The following HIVEP3 variants were observed in gnomAD, a reference collection of about 807,000 sequenced individuals.
HIVEP3 encodes the protein HIVEP zinc finger 3.
In HIVEP3, 49 loss-of-function variants were observed where a neutral mutation model predicts 152.8. The observed-to-expected ratio is 0.32, with a 90% CI of 0.26 to 0.41. The LOEUF is 0.41. HIVEP3 is among the 10% of genes least tolerant of loss of function. The probability of loss-of-function intolerance (pLI) is 1.00; values close to 1 mark genes in which losing one functional copy is unlikely to be tolerated. For missense variants in HIVEP3, 2,790 were observed against 3,103.3 expected (o/e 0.90, Z 2.40); for synonymous variants, 1,269 against 1,289.0 (o/e 0.98, Z 0.33).
chr1:41,881,056 A>G (rs1192328298), intron 1 of HIVEP3, among the ~76,000 whole-genome samples: 1 of 152,226 alleles, frequency 6.6e-6, no homozygotes, highest in African/African-American at 2.4e-5. Context: ...TCCTCCCACT[A>G]AAGGCCTCTT....
chr1:41,816,087 G>C (rs1325272786), intron 1 of HIVEP3, among the ~76,000 whole-genome samples: 2 of 152,158 alleles, frequency 1.3e-5, no homozygotes, highest in Non-Finnish European at 2.9e-5. Flanking sequence ...GTAGAAAGTG[G>C]CAGTACCAGC....
At chr1:41,527,243 T>TCA (rs201377725) in intron 5 of HIVEP3, among the ~76,000 whole-genome samples, 18 of 28,552 alleles carry the variant, frequency 6.3e-4, no homozygotes, top group Admixed American at 5.7e-3. Context: ...CACACTCACC[T>TCA]CACACACACA....
chr1:41,555,049 A>G (rs1643944162), intron 5 of HIVEP3, among the ~76,000 whole-genome samples: 1 of 152,242 alleles, frequency 6.6e-6, no homozygotes, highest in Non-Finnish European at 1.5e-5. Flanking sequence ...GGGACGCTTA[A>G]GTCTGCAGAA....
chr1:41,762,790 G>A (rs1348386608), intron 1 of HIVEP3, among the ~76,000 whole-genome samples: 1 of 152,246 alleles, frequency 6.6e-6, no homozygotes, highest in African/African-American at 2.4e-5. Context: ...TGAGTGAGCA[G>A]GGGCATCACC....
chr1:41,567,130 C>T (rs945933364), intron 5 of HIVEP3, among the ~76,000 whole-genome samples: 1 of 152,152 alleles, frequency 6.6e-6, no homozygotes, highest in Non-Finnish European at 1.5e-5. Context: ...TTTCACTTCC[C>T]TCCTCCATCC....
intron 1 of HIVEP3, among the ~76,000 whole-genome samples, chr1:41,725,626 C>T (rs534174531): frequency 2.4e-4 from 37 of 152,352 alleles, no homozygotes; most frequent in African/African-American, 7.7e-4. Flanking sequence ...CAGTGTCCAG[C>T]ATCCGTATGG....
chr1:41,657,523 T>C (rs2124035610), intron 2 of HIVEP3, among the ~76,000 whole-genome samples: 1 of 152,346 alleles, frequency 6.6e-6, no homozygotes, highest in African/African-American at 2.4e-5. Context: ...TCTATTTTGT[T>C]GCCCCCTTTG....
intron 3 of HIVEP3, among the ~76,000 whole-genome samples, chr1:41,593,807 G>C (rs370630129): frequency 1.9e-4 from 29 of 152,310 alleles, no homozygotes; most frequent in East Asian, 1.7e-3. Context: ...GTGGTCAGAC[G>C]TCTGAAATAG....
At chr1:41,904,532 C>T (rs1644679379) in intron 1 of HIVEP3, among the ~76,000 whole-genome samples, 1 of 152,178 alleles carries the variant, frequency 6.6e-6, no homozygotes, top group Non-Finnish European at 1.5e-5. Flanking sequence ...AAGGTGCTTA[C>T]CGCCATGCTT....
chr1:41,950,464 C>T (rs139889727), intron 1 of HIVEP3, among the ~76,000 whole-genome samples: 3,142 of 152,282 alleles, frequency 0.021, 65 homozygotes, highest in Non-Finnish European at 0.025. Context: ...TGGTGATTAA[C>T]TTAAGAGGTG....
At chr1:41,560,782 G>C (rs542760131) in intron 5 of HIVEP3, among the ~76,000 whole-genome samples, 40 of 152,310 alleles carry the variant, frequency 2.6e-4, no homozygotes, top group Admixed American at 7.8e-4. Context: ...TGAGGCCAGA[G>C]CACCCTCTGG....
chr1:41,936,842 G>C (rs1645022455), intron 1 of HIVEP3, among the ~76,000 whole-genome samples: 1 of 152,140 alleles, frequency 6.6e-6, no homozygotes, highest in South Asian at 2.1e-4. Flanking sequence ...TGGAGGTAAA[G>C]GGATTTCTAT....
intron 5 of HIVEP3, among the ~76,000 whole-genome samples, chr1:41,556,619 TAA>T (rs1643970183): frequency 6.6e-6 from 1 of 152,248 alleles, no homozygotes; most frequent in African/African-American, 2.4e-5. Context: ...CTTTAATGAA[TAA>T]AAGTTTTAAA....
chr1:41,974,189 T>C (rs1645246607), intron 1 of HIVEP3, among the ~76,000 whole-genome samples: 1 of 152,020 alleles, frequency 6.6e-6, no homozygotes, highest in Non-Finnish European at 1.5e-5. Context: ...ATGTCTATTT[T>C]TGTGTAAGAT....
intron 1 of HIVEP3, among the ~76,000 whole-genome samples, chr1:41,857,504 GAA>G (rs111289363): frequency 1.4e-5 from 2 of 147,464 alleles, no homozygotes. Flanking sequence ...ACCAAGTATA[GAA>G]AAAAAAAAAT....
chr1:41,696,031 A>T (rs1165583798), intron 2 of HIVEP3, among the ~76,000 whole-genome samples: 1 of 152,184 alleles, frequency 6.6e-6, no homozygotes, highest in African/African-American at 2.4e-5. Context: ...TTCCTCATCT[A>T]TCAGACAGGA....
chr1:41,544,993 T>TCACCACCAC (rs1558047243), intron 5 of HIVEP3, among the ~76,000 whole-genome samples: 3 of 23,392 alleles, frequency 1.3e-4, no homozygotes, highest in Admixed American at 4.8e-4. Context: ...GCCACCACCA[T>TCACCACCAC]CGCTACCATC....
intron 1 of HIVEP3, among the ~76,000 whole-genome samples, chr1:41,861,752 T>G (rs888166430): frequency 1.3e-5 from 2 of 152,174 alleles, no homozygotes; most frequent in African/African-American, 4.8e-5. Flanking sequence ...GCTTGGGCTT[T>G]CTCCAATAAG....
chr1:42,027,718 T>A (rs1323529460), intron 1 of HIVEP3, among the ~76,000 whole-genome samples: 5 of 152,190 alleles, frequency 3.3e-5, no homozygotes, highest in Admixed American at 2.6e-4. Flanking sequence ...CAGTTCCGCA[T>A]GGCTGGGGAG....
Sources: gnomAD v4.1 joint callset for allele counts (sites outside exome capture counted in the v4.1 genomes callset) on GRCh38, gnomAD v4.1.1 for gene constraint, MANE v1.5 for transcripts, NCBI Gene and HGNC (gene_info 2026-07-23, HGNC 2026-07-21) for gene names.